RPS29: variants seen among roughly 807,000 people sequenced by gnomAD.
The protein encoded by RPS29 is small ribosomal subunit protein uS14.
For synonymous variants in RPS29, 37 were observed against 26.9 expected (o/e 1.37, Z -1.16); for missense variants, 60 against 75.7 (o/e 0.79, Z 0.77).
chr14:49,572,627 T>C (rs1307756356), exon 3 of RPS29: 1 of 152,198 alleles, frequency 6.6e-6, no homozygotes, highest in Non-Finnish European at 1.5e-5. Context: ...ACAAGTGTAT[T>C]TAGAAAATCT....
chr14:49,588,277 C>T (rs1358906239), upstream of RPS29, among the ~76,000 whole-genome samples: 3 of 152,200 alleles, frequency 2.0e-5, no homozygotes, highest in African/African-American at 4.8e-5. Context: ...CAATTAGTTG[C>T]ACTTCAACAA....
At chr14:49,578,561 T>TTTTC (rs1881250185) in intron 2 of RPS29, among the ~76,000 whole-genome samples, 1 of 138,318 alleles carries the variant, frequency 7.2e-6, no homozygotes, top group Non-Finnish European at 1.6e-5. Flanking sequence ...AGCTTTCACT[T>TTTTC]TTTTTTTTTT....
At chr14:49,593,229 T>C (rs1017239093) in intron 1 of RPS29, among the ~76,000 whole-genome samples, 1 of 152,230 alleles carries the variant, frequency 6.6e-6, no homozygotes, top group African/African-American at 2.4e-5. Context: ...TCTACAAATA[T>C]GCATTGAGTA....
chr14:49,576,240 C>T (rs1050167945), exon 3 of RPS29: 2 of 151,592 alleles, frequency 1.3e-5, no homozygotes, highest in African/African-American at 2.4e-5. Flanking sequence ...TGCACCACCA[C>T]GCCTGGCTAA....
chr14:49,583,766 G>A, intron 2 of RPS29, 91 bp from the exon 3 acceptor site: 2 of 822,396 alleles, frequency 2.4e-6, no homozygotes, highest in Non-Finnish European at 4.1e-6. Flanking sequence ...GAATGTTATA[G>A]AATTACAGAA....
exon 3 of RPS29, chr14:49,572,908 A>G (rs1009911275): frequency 6.6e-6 from 1 of 152,096 alleles, no homozygotes; most frequent in African/African-American, 2.4e-5. Context: ...GTCTCACCAA[A>G]AATACAAAAA....
intron 1 of RPS29, chr14:49,592,111 C>T (rs1594577780): frequency 6.6e-6 from 1 of 152,214 alleles, no homozygotes; most frequent in East Asian, 1.9e-4. Context: ...TAAGGAAATA[C>T]ACCTTTGACC....
At chr14:49,598,605 T>G (rs747205989) in exon 1 of RPS29, 17 of 701,562 alleles carry the variant, frequency 2.4e-5, no homozygotes, top group Non-Finnish European at 4.4e-5. Context: ...GAGGCACACC[T>G]GCCTTCCCTC....
intron 1 of RPS29, among the ~76,000 whole-genome samples, chr14:49,597,241 G>A (rs929675645): frequency 6.6e-6 from 1 of 151,510 alleles, no homozygotes; most frequent in African/African-American, 2.4e-5. Flanking sequence ...TAATTTTTTT[G>A]TGGAGACGAG....
At chr14:49,572,829 G>A (rs992116631) in exon 3 of RPS29, 2 of 152,214 alleles carry the variant, frequency 1.3e-5, no homozygotes, top group African/African-American at 4.8e-5. Flanking sequence ...AGCATTTTGG[G>A]AGGCCAAGGC....
rs1438451712 is a variant in RPS29 at position 49,586,146 on chromosome 14, G to A, written c.63-97C>T. The A allele has an allele frequency of 3.6e-6, 5 of 1,392,638 alleles. No individual in the cohort carries two copies. The Admixed American group carries it at 6.7e-5, about 19-fold the overall frequency. The allele number at this position is 1,392,638 out of a possible 1,614,324, so 86.3% of individuals were successfully genotyped here. A position where few individuals can be genotyped will look rare whatever the true frequency, so the allele number is the denominator to read the frequency against. On this transcript the variant is annotated intron_variant, in intron 1 of 2. Coordinates refer to ENST00000245458, the MANE Select transcript of RPS29 (RefSeq NM_001032.5). ...CGCATCCCGGGACTCCCAAGCCACA[G>A]TACAGGCCTGTAATGGCGGCACCAG...
At chr14:49,593,360 G>C (rs1490540216) in intron 1 of RPS29, among the ~76,000 whole-genome samples, 1 of 152,254 alleles carries the variant, frequency 6.6e-6, no homozygotes, top group Non-Finnish European at 1.5e-5. Flanking sequence ...GCAATATTTT[G>C]AACAGGATAA....
downstream of RPS29, among the ~76,000 whole-genome samples, chr14:49,580,203 C>A (rs959627875): frequency 3.3e-5 from 5 of 152,202 alleles, no homozygotes; most frequent in African/African-American, 9.6e-5. Context: ...CATATCACAC[C>A]CTTTTTGACC....
exon 1 of RPS29, chr14:49,598,554 G>A: frequency 1.4e-6 from 1 of 702,340 alleles, no homozygotes; most frequent in Non-Finnish European, 2.6e-6. Flanking sequence ...CTGGCTTACG[G>A]GGCCACTCAG....
At chr14:49,585,875 T>C in intron 2 of RPS29, 75 bp downstream of exon 2, 1 of 1,147,980 alleles carries the variant, frequency 8.7e-7, no homozygotes. Flanking sequence ...ATCTGTCCGT[T>C]TGTCTTTCGC....
At chr14:49,580,744 A>T (rs113750215), downstream of RPS29, among the ~76,000 whole-genome samples, 1,262 of 152,128 alleles carry the variant, frequency 8.3e-3, 15 homozygotes, top group African/African-American at 0.029. Context: ...GTGGTGGCAG[A>T]CCTGTACAGG....
upstream of RPS29, among the ~76,000 whole-genome samples, chr14:49,590,295 G>A (rs1881683507): frequency 6.6e-6 from 1 of 151,684 alleles, no homozygotes; most frequent in Admixed American, 6.6e-5. Context: ...GGCCAATATG[G>A]TGAAACCCGG....
At chr14:49,582,012 C>CCCAAAAAAAAAAAAAAAAA (rs71115379), downstream of RPS29, among the ~76,000 whole-genome samples, 1 of 106,512 alleles carries the variant, frequency 9.4e-6, no homozygotes, top group African/African-American at 4.5e-5. Flanking sequence ...CCCTGCCCCC[C>CCCAAAAAAAAAAAAAAAAA]AAAAAAAAAA....
At chr14:49,573,885 G>C (rs949584300) in exon 3 of RPS29, 2 of 152,220 alleles carry the variant, frequency 1.3e-5, no homozygotes, top group Non-Finnish European at 2.9e-5. Flanking sequence ...GTGTGGGTGT[G>C]TGAAAAGAAA....
Sources: gnomAD v4.1 joint callset for allele counts (sites outside exome capture counted in the v4.1 genomes callset) on GRCh38, gnomAD v4.1.1 for gene constraint, MANE v1.5 for transcripts, NCBI Gene and HGNC (gene_info 2026-07-23, HGNC 2026-07-21) for gene names.